The following RPS6KA5 variants were observed in gnomAD, a reference collection of about 807,000 sequenced individuals.
RPS6KA5 encodes ribosomal protein S6 kinase alpha-5.
RPS6KA5 carries 27 observed loss-of-function variants against 85.5 expected under a neutral mutation model. That is an observed-to-expected ratio of 0.32 (90% CI 0.23 to 0.44). RPS6KA5 has a LOEUF of 0.44. Among genes scored for constraint, RPS6KA5 ranks in the 20% least tolerant of loss-of-function variants. The probability of loss-of-function intolerance (pLI) is 1.00; values close to 1 mark genes in which losing one functional copy is unlikely to be tolerated. For missense variants in RPS6KA5, 811 were observed against 980.9 expected (o/e 0.83, Z 2.31); for synonymous variants, 334 against 348.2 (o/e 0.96, Z 0.46).
intron 2 of RPS6KA5, among the ~76,000 whole-genome samples, chr14:90,979,148 C>A (rs2039690011): frequency 6.6e-6 from 1 of 152,228 alleles, no homozygotes; most frequent in Non-Finnish European, 1.5e-5. Context: ...CCACACTTTT[C>A]ATAATAAGGA....
rs527372416 is a variant in RPS6KA5, at chr14:90,948,758, C to T, written c.395-1208G>A. Among the ~76,000 whole-genome samples the T allele has an allele frequency of 3.0e-4, 46 of 151,160 alleles. 1 individual carries two copies. In the South Asian group the frequency reaches 9.6e-3, roughly 31 times the overall value. ...AAAAAAAACCACTGACACATTAACA[C>T]ACAGGATTTGCGTGTGAGAAACCAC... On this transcript the variant is annotated intron_variant, in intron 3 of 16. Transcript: ENST00000614987.
At chr14:91,002,294 G>A (rs914257766) in intron 1 of RPS6KA5, among the ~76,000 whole-genome samples, 9 of 151,956 alleles carry the variant, frequency 5.9e-5, no homozygotes, top group African/African-American at 2.2e-4. Flanking sequence ...GAACACATAC[G>A]TCAAAAGCAA....
intron 14 of RPS6KA5, among the ~76,000 whole-genome samples, chr14:90,879,678 C>T (rs570838404): frequency 6.6e-6 from 1 of 152,148 alleles, no homozygotes; most frequent in South Asian, 2.1e-4. Context: ...CAGTCCTGCA[C>T]CCTTGGGATT....
intron 1 of RPS6KA5, among the ~76,000 whole-genome samples, chr14:91,025,890 T>C (rs141032779): frequency 3.9e-5 from 6 of 152,218 alleles, no homozygotes; most frequent in Admixed American, 6.5e-5. Flanking sequence ...GGGTTCGTTA[T>C]GAGTTATACA....
chr14:90,924,629 TA>T (rs909563198), intron 5 of RPS6KA5, among the ~76,000 whole-genome samples: 6 of 151,954 alleles, frequency 3.9e-5, no homozygotes, highest in Non-Finnish European at 7.4e-5. Context: ...TTATCACAGT[TA>T]AAAAAAATGT....
At chr14:90,959,150 G>C (rs983432502) in intron 3 of RPS6KA5, among the ~76,000 whole-genome samples, 1 of 152,146 alleles carries the variant, frequency 6.6e-6, no homozygotes, top group Admixed American at 6.5e-5. Context: ...ACTGAATTAG[G>C]GGGGTGGGGC....
intron 5 of RPS6KA5, among the ~76,000 whole-genome samples, chr14:90,929,152 C>A (rs576132850): frequency 6.6e-6 from 1 of 152,112 alleles, no homozygotes; most frequent in South Asian, 2.1e-4. Context: ...CTACCAAAAA[C>A]CTACAGCAAA....
At chr14:90,974,061 A>AAAAAAT (rs2039451609) in intron 3 of RPS6KA5, among the ~76,000 whole-genome samples, 2 of 148,710 alleles carry the variant, frequency 1.3e-5, no homozygotes, top group African/African-American at 2.5e-5. Flanking sequence ...AAAAAAAAAT[A>AAAAAAT]GTGTCCAAAC....
At chr14:91,035,524 A>G (rs901083060) in intron 1 of RPS6KA5, among the ~76,000 whole-genome samples, 4 of 152,174 alleles carry the variant, frequency 2.6e-5, no homozygotes, top group African/African-American at 9.7e-5. Context: ...TGTGATGGTT[A>G]GCCTTGGAGA....
At chr14:90,907,267 C>T (rs1269347124) in intron 7 of RPS6KA5, among the ~76,000 whole-genome samples, 1 of 152,096 alleles carries the variant, frequency 6.6e-6, no homozygotes, top group Non-Finnish European at 1.5e-5. Flanking sequence ...GTATAAGAGA[C>T]AGTATAGTGT....
Position 90,869,991 on chromosome 14 carries a change from A to G in RPS6KA5, c.*2083T>C, listed in dbSNP as rs543767064. The G allele has an allele frequency of 5.4e-4, 83 of 152,328 alleles. No individual in the cohort carries two copies. Among genetic ancestry groups the G allele is most frequent in the African/African-American group, 1.9e-3 (77 of 41,574 alleles). 9.4% of individuals were successfully genotyped at this position (152,328 alleles called of 1,614,324 possible). ...ATCGCCTGTCGAATCCTCCTCAAGA[A>G]GAGGCAAGGGAAATAAATGAAAATG... On this transcript the variant is annotated 3_prime_UTR_variant, in exon 17 of 17. Coordinates refer to ENST00000614987, the MANE Select transcript of RPS6KA5 (RefSeq NM_004755.4).
At chr14:91,049,325 G>C (rs1223753724) in intron 1 of RPS6KA5, among the ~76,000 whole-genome samples, 2 of 152,164 alleles carry the variant, frequency 1.3e-5, no homozygotes, top group Non-Finnish European at 2.9e-5. Flanking sequence ...GAAAAAAAGA[G>C]ACAAGTCGGC....
intron 3 of RPS6KA5, among the ~76,000 whole-genome samples, chr14:90,972,183 T>C (rs1193899940): frequency 6.6e-6 from 1 of 152,180 alleles, no homozygotes; most frequent in Non-Finnish European, 1.5e-5. Flanking sequence ...CTCCCTAAAT[T>C]AATTTTTTAA....
At chr14:90,970,792 AC>A (rs2039283498) in intron 3 of RPS6KA5, among the ~76,000 whole-genome samples, 1 of 152,136 alleles carries the variant, frequency 6.6e-6, no homozygotes, top group Non-Finnish European at 1.5e-5. Flanking sequence ...ATAAAAGGAG[AC>A]ATGATCTCCA....
intron 5 of RPS6KA5, among the ~76,000 whole-genome samples, chr14:90,928,773 G>C (rs2036817807): frequency 6.7e-6 from 1 of 149,278 alleles, no homozygotes; most frequent in South Asian, 2.1e-4. Flanking sequence ...ACACACTCTG[G>C]CAGATTTGAA....
At chr14:90,915,754 C>T (rs890545258) in intron 7 of RPS6KA5, among the ~76,000 whole-genome samples, 4 of 151,512 alleles carry the variant, frequency 2.6e-5, no homozygotes, top group East Asian at 3.9e-4. Flanking sequence ...TGCAGTGAGC[C>T]GAGATCAGGC....
chr14:91,026,075 G>A (rs1393626420), intron 1 of RPS6KA5, among the ~76,000 whole-genome samples: 1 of 152,086 alleles, frequency 6.6e-6, no homozygotes, highest in African/African-American at 2.4e-5. Flanking sequence ...TTACAAGTAA[G>A]AACTTCATAT....
chr14:90,882,964 A>G (rs2033953470), intron 14 of RPS6KA5, among the ~76,000 whole-genome samples: 1 of 151,876 alleles, frequency 6.6e-6, no homozygotes, highest in Admixed American at 6.6e-5. Context: ...CGCCTGGCTA[A>G]TTTGTGTATT....
At chr14:90,891,998 CTTTT>C (rs11351056) in intron 13 of RPS6KA5, among the ~76,000 whole-genome samples, 6 of 139,226 alleles carry the variant, frequency 4.3e-5, no homozygotes, top group Non-Finnish European at 6.2e-5. Flanking sequence ...GATTTTAGTT[CTTTT>C]TTTTTTTTTT....
Sources: gnomAD v4.1 joint callset for allele counts (sites outside exome capture counted in the v4.1 genomes callset) on GRCh38, gnomAD v4.1.1 for gene constraint, MANE v1.5 for transcripts, NCBI Gene and HGNC (gene_info 2026-07-23, HGNC 2026-07-21) for gene names.